CPQ: variants seen among roughly 807,000 people sequenced by gnomAD.
CPQ encodes the protein Ser-Met dipeptidase.
In CPQ, 37 loss-of-function variants were observed where a neutral mutation model predicts 45.7. The observed-to-expected ratio is 0.81, with a 90% CI of 0.62 to 1.07. CPQ has a LOEUF of 1.07. Ranked by LOEUF, CPQ falls within the 50% of genes least tolerant of loss-of-function variation. The pLI, the probability that CPQ is intolerant of heterozygous loss-of-function variation, is 0.00. For missense variants in CPQ, 537 were observed against 572.9 expected (o/e 0.94, Z 0.64); for synonymous variants, 186 against 205.8 (o/e 0.90, Z 0.82).
chr8:96,686,842 A>G lies in CPQ; in HGVS notation c.-35+41440A>G, dbSNP rs528347974. Among the ~76,000 whole-genome samples the G allele has an allele frequency of 1.3e-4, 20 of 152,272 alleles. No homozygotes were observed. In the South Asian group the frequency reaches 4.1e-3, roughly 32 times the overall value. On this transcript the variant is annotated intron_variant, in intron 1 of 7. Coordinates refer to ENST00000220763, the MANE Select transcript of CPQ (RefSeq NM_016134.4). ...GAACTATTTTGTTGGGAGTAAATTG[A>G]CAATTTGTCCTCCTTTTAAAACAGA... is the stretch of plus-strand genomic sequence containing the variant.
intron 6 of CPQ, among the ~76,000 whole-genome samples, chr8:97,037,230 C>T (rs1396089186): frequency 1.3e-5 from 2 of 152,178 alleles, no homozygotes; most frequent in Non-Finnish European, 2.9e-5. Flanking sequence ...TTTGAGACTT[C>T]TTCGTGCTAT....
At chr8:97,102,082 G>T (rs143954738) in intron 7 of CPQ, among the ~76,000 whole-genome samples, 1 of 151,992 alleles carries the variant, frequency 6.6e-6, no homozygotes, top group Non-Finnish European at 1.5e-5. Context: ...ATAAGATCTA[G>T]CTGTGAGAAG....
At chr8:96,981,933 T>C (rs541281891) in intron 5 of CPQ, among the ~76,000 whole-genome samples, 1 of 152,368 alleles carries the variant, frequency 6.6e-6, no homozygotes, top group East Asian at 1.9e-4. Flanking sequence ...ACTCAGTTCC[T>C]TATCAGTAAA....
chr8:96,899,802 G>A (rs1812492211), intron 4 of CPQ, among the ~76,000 whole-genome samples: 1 of 152,090 alleles, frequency 6.6e-6, no homozygotes, highest in Admixed American at 6.5e-5. Context: ...AACTATATTA[G>A]ACATGAAGCT....
At chr8:96,863,896 A>G (rs1440288349) in intron 3 of CPQ, among the ~76,000 whole-genome samples, 1 of 152,104 alleles carries the variant, frequency 6.6e-6, no homozygotes, top group African/African-American at 2.4e-5. Context: ...CAGACTGTGA[A>G]GTCTGAGACC....
chr8:96,960,757 ATTTAG>A (rs1471915883), intron 4 of CPQ, among the ~76,000 whole-genome samples: 16 of 151,174 alleles, frequency 1.1e-4, no homozygotes, highest in South Asian at 2.1e-4. Flanking sequence ...AGATTATATT[ATTTAG>A]TTTAGTTGAA....
intron 4 of CPQ, among the ~76,000 whole-genome samples, chr8:96,936,584 C>T (rs1197470573): frequency 6.6e-6 from 1 of 152,156 alleles, no homozygotes; most frequent in Non-Finnish European, 1.5e-5. Context: ...TGCTGATTAA[C>T]TCAACCTCAC....
chr8:96,866,938 G>A (rs1812003683), intron 3 of CPQ, among the ~76,000 whole-genome samples: 1 of 151,994 alleles, frequency 6.6e-6, no homozygotes, highest in Non-Finnish European at 1.5e-5. Flanking sequence ...CTTTGACTTT[G>A]TGGTTCAAAA....
At chr8:97,101,627 T>G (rs1479636803) in intron 7 of CPQ, among the ~76,000 whole-genome samples, 1 of 150,660 alleles carries the variant, frequency 6.6e-6, no homozygotes, top group Non-Finnish European at 1.5e-5. Flanking sequence ...AACTGAGTTT[T>G]GATTTGGCCA....
chr8:97,065,162 A>G lies in CPQ; in HGVS notation c.1054-847A>G, dbSNP rs537425324. 3.9e-5 allele frequency among the ~76,000 whole-genome samples: 6 copies of G among 152,256 alleles called. No individual in the cohort carries two copies. In the South Asian group the frequency reaches 1.2e-3, roughly 32 times the overall value. On this transcript the variant is annotated intron_variant, in intron 6 of 7. Coordinates refer to ENST00000220763, the MANE Select transcript of CPQ (RefSeq NM_016134.4). ...AGGTGGCAGTTGGTAGGTCTTGAAG[A>G]TGTGGTTGGCTCCTGGGAAACAGAT... is the stretch of plus-strand genomic sequence containing the variant.
intron 4 of CPQ, among the ~76,000 whole-genome samples, chr8:96,927,012 C>T (rs775882650): frequency 2.6e-5 from 4 of 152,128 alleles, no homozygotes; most frequent in Non-Finnish European, 5.9e-5. Flanking sequence ...AGAAAATGGG[C>T]GTAAGCTGCA....
intron 4 of CPQ, among the ~76,000 whole-genome samples, chr8:96,952,496 TA>T (rs1295283666): frequency 1.3e-5 from 2 of 152,152 alleles, no homozygotes; most frequent in African/African-American, 4.8e-5. Context: ...TCTTACAGTT[TA>T]TATATAACAT....
At chr8:96,705,511 T>TG (rs1489772764) in intron 1 of CPQ, among the ~76,000 whole-genome samples, 1 of 152,172 alleles carries the variant, frequency 6.6e-6, no homozygotes, top group East Asian at 1.9e-4. Flanking sequence ...AGGAAGCAGA[T>TG]GGGAAACTTT....
At chr8:96,910,695 G>T (rs917340033) in intron 4 of CPQ, among the ~76,000 whole-genome samples, 1 of 152,082 alleles carries the variant, frequency 6.6e-6, no homozygotes, top group African/African-American at 2.4e-5. Context: ...TAGTAGAGAC[G>T]GGGTTTCACC....
chr8:97,128,336 T>A (rs879305462), intron 7 of CPQ, among the ~76,000 whole-genome samples: 1 of 152,176 alleles, frequency 6.6e-6, no homozygotes, highest in Non-Finnish European at 1.5e-5. Flanking sequence ...AGCTCTCCTA[T>A]TTGGGCCTCC....
intron 6 of CPQ, among the ~76,000 whole-genome samples, chr8:97,053,366 T>TA (rs577775222): frequency 4.0e-4 from 61 of 152,174 alleles, no homozygotes; most frequent in African/African-American, 1.4e-3. Context: ...GGAGCAGAGA[T>TA]AGAGTACATG....
intron 4 of CPQ, among the ~76,000 whole-genome samples, chr8:96,919,490 A>C (rs1812779771): frequency 6.6e-6 from 1 of 152,130 alleles, no homozygotes; most frequent in Non-Finnish European, 1.5e-5. Context: ...AATTTGCTAC[A>C]TTAATTGTAA....
At chr8:96,685,454 G>C (rs2455047) in intron 1 of CPQ, among the ~76,000 whole-genome samples, 1 of 151,334 alleles carries the variant, frequency 6.6e-6, no homozygotes, top group Non-Finnish European at 1.5e-5. Flanking sequence ...TAGTTATCAA[G>C]GTTTTTTTGT....
At chr8:96,934,385 A>C (rs1026788254) in intron 4 of CPQ, among the ~76,000 whole-genome samples, 1 of 152,120 alleles carries the variant, frequency 6.6e-6, no homozygotes, top group Non-Finnish European at 1.5e-5. Flanking sequence ...AGCTAAGTGA[A>C]GAGGGCATTC....
Sources: gnomAD v4.1 joint callset for allele counts (sites outside exome capture counted in the v4.1 genomes callset) on GRCh38, gnomAD v4.1.1 for gene constraint, MANE v1.5 for transcripts, NCBI Gene and HGNC (gene_info 2026-07-23, HGNC 2026-07-21) for gene names.